SYNPR: variants seen among roughly 807,000 people sequenced by gnomAD.
SYNPR encodes the protein synaptoporin.
SYNPR carries 23 observed loss-of-function variants against 32.9 expected under a neutral mutation model. That is an observed-to-expected ratio of 0.70 (90% CI 0.50 to 0.99). The LOEUF (loss-of-function observed/expected upper bound fraction) is 0.99, where lower values mean the gene tolerates loss of function less well. Among genes scored for constraint, SYNPR ranks in the 50% least tolerant of loss-of-function variants. The pLI is 0.00. For synonymous variants in SYNPR, 146 were observed against 135.9 expected (o/e 1.07, Z -0.52); for missense variants, 318 against 349.3 (o/e 0.91, Z 0.71).
chr3:63,450,215 T>C (rs1389848645), intron 2 of SYNPR, among the ~76,000 whole-genome samples: 1 of 152,146 alleles, frequency 6.6e-6, no homozygotes. Flanking sequence ...TTGCAAAAGC[T>C]GCAAGAAGCC....
intron 3 of SYNPR, among the ~76,000 whole-genome samples, chr3:63,554,801 G>T (rs1702566371): frequency 6.6e-6 from 1 of 152,020 alleles, no homozygotes; most frequent in Non-Finnish European, 1.5e-5. Context: ...AGTTGCTCTG[G>T]GCAATAGGGC....
intron 2 of SYNPR, among the ~76,000 whole-genome samples, chr3:63,288,011 C>T (rs550260776): frequency 6.6e-6 from 1 of 152,192 alleles, no homozygotes; most frequent in Non-Finnish European, 1.5e-5. Context: ...ACTGTCCTGC[C>T]TGCCCTCTCT....
intron 1 of SYNPR, among the ~76,000 whole-genome samples, chr3:63,247,376 G>C (rs189038980): frequency 7.9e-5 from 12 of 152,080 alleles, no homozygotes; most frequent in Admixed American, 6.6e-4. Context: ...AAGCCTCCAA[G>C]TAGGATGACA....
At chr3:63,409,371 CA>C (rs1193469641) in intron 2 of SYNPR, among the ~76,000 whole-genome samples, 5 of 152,116 alleles carry the variant, frequency 3.3e-5, no homozygotes, top group African/African-American at 1.2e-4. Flanking sequence ...GAGGCAGGGT[CA>C]TAAACAAGGA....
At chr3:63,287,778 A>G (rs902342342) in intron 2 of SYNPR, among the ~76,000 whole-genome samples, 1 of 152,202 alleles carries the variant, frequency 6.6e-6, no homozygotes, top group Admixed American at 6.5e-5. Flanking sequence ...CTTTCCCTGG[A>G]AACAATTGTT....
At chr3:63,313,874 CATATATATATCCAT>C (rs1409744515) in intron 2 of SYNPR, among the ~76,000 whole-genome samples, 1 of 27,018 alleles carries the variant, frequency 3.7e-5, no homozygotes, top group African/African-American at 2.3e-4. Flanking sequence ...TATATATATC[CATATATATATCCAT>C]ATATATATAT....
At chr3:63,265,102 G>T (rs774019410) in intron 2 of SYNPR, among the ~76,000 whole-genome samples, 2 of 152,090 alleles carry the variant, frequency 1.3e-5, no homozygotes, top group South Asian at 2.1e-4. Context: ...ATTCTGTAGC[G>T]TGCAGGCACA....
chr3:63,218,262 A>G, the SYNPR span, among the ~76,000 whole-genome samples: 10 of 152,248 alleles, frequency 6.6e-5, no homozygotes, highest in African/African-American at 2.4e-4. Context: ...AACCCTGTTC[A>G]CTGGCAGTCA....
upstream of SYNPR, among the ~76,000 whole-genome samples, chr3:63,276,653 C>T (rs999196188): frequency 8.7e-5 from 10 of 115,032 alleles, no homozygotes; most frequent in Non-Finnish European, 1.4e-4. Flanking sequence ...TGCATAATGG[C>T]TTATTTTTGA....
chr3:63,255,051 C>T (rs2086370269), intron 2 of SYNPR, among the ~76,000 whole-genome samples: 1 of 152,138 alleles, frequency 6.6e-6, no homozygotes, highest in African/African-American at 2.4e-5. Context: ...TCAAGATCAC[C>T]AGTCCATGGT....
intron 2 of SYNPR, among the ~76,000 whole-genome samples, chr3:63,306,097 T>C: frequency 6.6e-6 from 1 of 152,012 alleles, no homozygotes; most frequent in East Asian, 1.9e-4. Context: ...CTTTGGATTC[T>C]CAAAGCACCT....
intron 2 of SYNPR, among the ~76,000 whole-genome samples, chr3:63,309,329 T>G (rs931932133): frequency 2.0e-5 from 3 of 152,028 alleles, no homozygotes; most frequent in Non-Finnish European, 4.4e-5. Context: ...TCAATTTCAA[T>G]TGATTCTTCT....
chr3:63,573,807 T>C (rs1702932841), intron 4 of SYNPR, among the ~76,000 whole-genome samples: 1 of 152,174 alleles, frequency 6.6e-6, no homozygotes, highest in African/African-American at 2.4e-5. Context: ...AATTTTCTTG[T>C]CATCATTTAC....
intron 2 of SYNPR, among the ~76,000 whole-genome samples, chr3:63,396,246 A>G (rs1338965971): frequency 6.6e-6 from 1 of 152,234 alleles, no homozygotes; most frequent in Middle Eastern, 3.2e-3. Flanking sequence ...TGATTCATCC[A>G]TATCACAAGG....
At chr3:63,572,305 T>C (rs1702900958) in intron 4 of SYNPR, among the ~76,000 whole-genome samples, 1 of 152,092 alleles carries the variant, frequency 6.6e-6, no homozygotes, top group Non-Finnish European at 1.5e-5. Context: ...TCCTTCCTCT[T>C]CTTATTCTTA....
the SYNPR span, among the ~76,000 whole-genome samples, chr3:63,208,109 T>C: frequency 6.6e-6 from 1 of 151,912 alleles, no homozygotes; most frequent in African/African-American, 2.4e-5. Context: ...CGAAAGTCAG[T>C]AACTTCCAGA....
intron 1 of SYNPR, among the ~76,000 whole-genome samples, chr3:63,237,812 C>T (rs1345772438): frequency 1.3e-5 from 2 of 152,002 alleles, no homozygotes; most frequent in African/African-American, 4.8e-5. Flanking sequence ...GAGAAGCTCC[C>T]ACTGGTTCTG....
chr3:63,494,500 TATATAC>T (rs71891480), intron 3 of SYNPR, among the ~76,000 whole-genome samples: 1,317 of 108,054 alleles, frequency 0.012, 61 homozygotes, highest in Middle Eastern at 0.033. Flanking sequence ...TATATATACA[TATATAC>T]ATATATACAT....
At chr3:63,611,731 CTAAGTTTA>C (rs1339736569) in intron 5 of SYNPR, among the ~76,000 whole-genome samples, 1 of 152,060 alleles carries the variant, frequency 6.6e-6, no homozygotes, top group African/African-American at 2.4e-5. Context: ...TCTGCAGTTT[CTAAGTTTA>C]TATGTATTTT....
Sources: allele counts gnomAD v4.1 joint callset (sites outside exome capture counted in the v4.1 genomes callset), GRCh38; gene constraint gnomAD v4.1.1; transcripts MANE v1.5; gene names NCBI Gene and HGNC (gene_info 2026-07-23, HGNC 2026-07-21).